LRRTM4: variants seen among roughly 807,000 people sequenced by gnomAD.
LRRTM4 encodes the protein leucine rich repeat transmembrane neuronal 4.
A neutral mutation model predicts 47.6 loss-of-function variants in LRRTM4; 25 were observed. That is an observed-to-expected ratio of 0.53 (90% CI 0.38 to 0.73). The LOEUF is 0.73. Ranked by LOEUF, LRRTM4 falls within the 30% of genes least tolerant of loss-of-function variation. The probability of loss-of-function intolerance (pLI) is 0.00; values close to 1 mark genes in which losing one functional copy is unlikely to be tolerated. For missense variants in LRRTM4, 638 were observed against 713.4 expected, an observed-to-expected ratio of 0.89 and a Z score of 1.20; for synonymous variants, 311 against 269.5, an observed-to-expected ratio of 1.15 and a Z score of -1.51.
At chr2:77,343,487 A>G (rs1362292090) in intron 3 of LRRTM4, among the ~76,000 whole-genome samples, 1 of 151,898 alleles carries the variant, frequency 6.6e-6, no homozygotes, top group East Asian at 1.9e-4. Flanking sequence ...TGTATTCTGC[A>G]TTGTACTTTT....
At chr2:77,426,059 G>C (rs1357960448) in intron 3 of LRRTM4, among the ~76,000 whole-genome samples, 3 of 150,792 alleles carry the variant, frequency 2.0e-5, no homozygotes, top group African/African-American at 7.3e-5. Context: ...AAGTTGCAGT[G>C]AGCCGAGATT....
intron 3 of LRRTM4, among the ~76,000 whole-genome samples, chr2:77,178,124 T>A (rs1028370554): frequency 6.6e-6 from 1 of 152,166 alleles, no homozygotes; most frequent in Non-Finnish European, 1.5e-5. Flanking sequence ...TAGACTATAT[T>A]GTAATGAATA....
At chr2:76,901,630 T>A (rs1673637404) in intron 3 of LRRTM4, among the ~76,000 whole-genome samples, 1 of 152,144 alleles carries the variant, frequency 6.6e-6, no homozygotes, top group Non-Finnish European at 1.5e-5. Context: ...TTAATTGAGA[T>A]CTAGAGAAAG....
intron 3 of LRRTM4, among the ~76,000 whole-genome samples, chr2:76,962,521 G>A (rs1320356766): frequency 6.7e-6 from 1 of 149,426 alleles, no homozygotes; most frequent in Non-Finnish European, 1.5e-5. Flanking sequence ...ATTTTTTTTT[G>A]TCTAGGGAGA....
intron 3 of LRRTM4, among the ~76,000 whole-genome samples, chr2:76,829,584 A>G (rs1477325972): frequency 6.6e-6 from 1 of 151,938 alleles, no homozygotes; most frequent in East Asian, 1.9e-4. Flanking sequence ...AACATGTAAA[A>G]TGGATTTATT....
At chr2:77,150,509 A>T (rs1363137877) in intron 3 of LRRTM4, among the ~76,000 whole-genome samples, 1 of 152,180 alleles carries the variant, frequency 6.6e-6, no homozygotes, top group Non-Finnish European at 1.5e-5. Flanking sequence ...AAAGGTCCAG[A>T]AGCCCTCATT....
chr2:77,242,474 C>CA (rs1036928569), intron 3 of LRRTM4, among the ~76,000 whole-genome samples: 32 of 152,040 alleles, frequency 2.1e-4, no homozygotes, highest in African/African-American at 7.2e-4. Context: ...AACTCAACCA[C>CA]AAAAAATCTT....
intron 3 of LRRTM4, among the ~76,000 whole-genome samples, chr2:76,838,643 T>G (rs532600100): frequency 6.6e-6 from 1 of 152,200 alleles, no homozygotes; most frequent in African/African-American, 2.4e-5. Context: ...CTTACTGTGT[T>G]CTGAAATGGT....
At chr2:77,500,222 G>A (rs1678520775) in intron 3 of LRRTM4, among the ~76,000 whole-genome samples, 1 of 151,772 alleles carries the variant, frequency 6.6e-6, no homozygotes, top group Non-Finnish European at 1.5e-5. Flanking sequence ...TATTGTGGAG[G>A]TGAGAGAGGA....
In LRRTM4 at chr2:77,409,830, A is replaced by G. The variant is rs937686877; in HGVS notation, c.1551+108488T>C. Among the ~76,000 whole-genome samples the G allele has an allele frequency of 3.6e-4, 55 of 152,158 alleles. 1 individual carries two copies. Among genetic ancestry groups the G allele is most frequent in the African/African-American group, 1.3e-3 (54 of 41,448 alleles). ...CAACCCAGAATAGAAAATAACAAGT[A>G]TTTGCAACCTTCTCGTGAAGCTCTT... On this transcript the variant is annotated intron_variant, in intron 3 of 3. Coordinates refer to ENST00000409884, the MANE Select transcript of LRRTM4 (RefSeq NM_001134745.3).
intron 3 of LRRTM4, among the ~76,000 whole-genome samples, chr2:77,495,794 A>C (rs1265931300): frequency 6.6e-6 from 1 of 152,046 alleles, no homozygotes; most frequent in Non-Finnish European, 1.5e-5. Flanking sequence ...GTAAGTCTTG[A>C]AATAAGATAG....
intron 3 of LRRTM4, among the ~76,000 whole-genome samples, chr2:76,750,970 A>T (rs905225590): frequency 6.6e-6 from 1 of 152,034 alleles, no homozygotes; most frequent in Admixed American, 6.6e-5. Context: ...CATTTAAAAA[A>T]TTAAATTAGC....
intron 3 of LRRTM4, among the ~76,000 whole-genome samples, chr2:77,201,141 T>C (rs1311018008): frequency 1.3e-5 from 2 of 152,134 alleles, no homozygotes; most frequent in African/African-American, 4.8e-5. Context: ...ATATTCAAAG[T>C]ATGAACAATA....
chr2:76,977,117 C>T (rs1676448876), intron 3 of LRRTM4, among the ~76,000 whole-genome samples: 1 of 151,472 alleles, frequency 6.6e-6, no homozygotes, highest in African/African-American at 2.4e-5. Context: ...CTGGCCTCTT[C>T]CCTTGGGTTT....
At chr2:77,343,329 A>G (rs529033981) in intron 3 of LRRTM4, among the ~76,000 whole-genome samples, 1 of 152,066 alleles carries the variant, frequency 6.6e-6, no homozygotes, top group Non-Finnish European at 1.5e-5. Flanking sequence ...TGGAAAACAT[A>G]TTTTAATGTT....
intron 3 of LRRTM4, among the ~76,000 whole-genome samples, chr2:76,844,152 C>G (rs1440632726): frequency 1.3e-5 from 2 of 151,262 alleles, no homozygotes; most frequent in Admixed American, 6.6e-5. Flanking sequence ...CCACCTGCCT[C>G]AAGACAGACT....
intron 3 of LRRTM4, among the ~76,000 whole-genome samples, chr2:77,079,354 T>C (rs566104620): frequency 2.0e-5 from 3 of 152,206 alleles, no homozygotes; most frequent in South Asian, 2.1e-4. Context: ...TACAGTTTTA[T>C]TGAAACACAT....
intron 3 of LRRTM4, among the ~76,000 whole-genome samples, chr2:76,826,714 A>G (rs1401479261): frequency 1.3e-5 from 2 of 151,840 alleles, no homozygotes; most frequent in African/African-American, 4.8e-5. Flanking sequence ...TAAAAGCAGA[A>G]ATAAAAGGAA....
chr2:77,306,976 T>C (rs1172076738), intron 3 of LRRTM4, among the ~76,000 whole-genome samples: 5 of 144,784 alleles, frequency 3.5e-5, no homozygotes, highest in Non-Finnish European at 7.4e-5. Flanking sequence ...CTCGGCTCAC[T>C]GCAAGCTCCG....
Sources: allele counts gnomAD v4.1 joint callset (sites outside exome capture counted in the v4.1 genomes callset), GRCh38; gene constraint gnomAD v4.1.1; transcripts MANE v1.5; gene names NCBI Gene and HGNC (gene_info 2026-07-23, HGNC 2026-07-21).